The following IL1RAPL2 variants were observed in gnomAD, a reference collection of about 807,000 sequenced individuals.
IL1RAPL2 encodes X-linked interleukin-1 receptor accessory protein-like 2.
IL1RAPL2 carries 3 observed loss-of-function variants against 44.1 expected under a neutral mutation model. The observed-to-expected ratio is 0.07, with a 90% CI of 0.03 to 0.18. IL1RAPL2 has a LOEUF of 0.18. Ranked by LOEUF, IL1RAPL2 falls within the 10% of genes least tolerant of loss-of-function variation. IL1RAPL2 has a pLI of 1.00. For missense variants in IL1RAPL2, 391 were observed against 496.4 expected, an observed-to-expected ratio of 0.79 and a Z score of 2.02; for synonymous variants, 181 against 178.8, an observed-to-expected ratio of 1.01 and a Z score of -0.10.
chrX:105,242,081 A>G, intron 4 of IL1RAPL2, among the ~76,000 whole-genome samples: 1 of 111,595 alleles, frequency 9.0e-6, no homozygotes, highest in Non-Finnish European at 1.9e-5. Context: ...GTAAAGTCCA[A>G]CTCTTTCCAT....
At chrX:105,662,863 C>A (rs1031324042) in intron 6 of IL1RAPL2, among the ~76,000 whole-genome samples, 1 of 112,075 alleles carries the variant, frequency 8.9e-6, no homozygotes, top group Non-Finnish European at 1.9e-5. Flanking sequence ...AGATACTGAA[C>A]AGAACCAGCT....
intron 2 of IL1RAPL2, among the ~76,000 whole-genome samples, chrX:105,051,530 G>A (rs2031925452): frequency 8.9e-6 from 1 of 112,590 alleles, no homozygotes; most frequent in South Asian, 3.7e-4. Flanking sequence ...AGGGAGGGTC[G>A]GATCCACTAC....
chrX:105,507,624 T>C (rs2147784680), intron 6 of IL1RAPL2, among the ~76,000 whole-genome samples: 1 of 111,614 alleles, frequency 9.0e-6, no homozygotes, highest in Non-Finnish European at 1.9e-5. Flanking sequence ...AGACTCTAGA[T>C]CCACCTTACA....
intron 1 of IL1RAPL2, among the ~76,000 whole-genome samples, chrX:104,617,511 T>C (rs1468691672): frequency 8.9e-6 from 1 of 112,233 alleles, no homozygotes; most frequent in African/African-American, 3.2e-5. Context: ...AATTTGTAAG[T>C]TACATCACTT....
chrX:104,996,689 A>G (rs1667912671), intron 2 of IL1RAPL2, among the ~76,000 whole-genome samples: 1 of 112,110 alleles, frequency 8.9e-6, no homozygotes, highest in African/African-American at 3.2e-5. Context: ...TATGTGCCAG[A>G]CACTGTGGTA....
chrX:105,480,697 T>G (rs754345383), intron 5 of IL1RAPL2, among the ~76,000 whole-genome samples: 2 of 112,104 alleles, frequency 1.8e-5, no homozygotes, highest in East Asian at 5.6e-4. Context: ...AGTTCTTTCT[T>G]TCCTTTCACA....
At chrX:104,819,893 A>G (rs772612771) in intron 2 of IL1RAPL2, among the ~76,000 whole-genome samples, 23 of 111,467 alleles carry the variant, frequency 2.1e-4, no homozygotes, top group African/African-American at 7.2e-4. Context: ...TGTCCATATT[A>G]TCTTGAAATG....
At chrX:104,884,230 G>A (rs1319362938) in intron 2 of IL1RAPL2, among the ~76,000 whole-genome samples, 3 of 111,562 alleles carry the variant, frequency 2.7e-5, no homozygotes, top group Admixed American at 1.9e-4. Context: ...ATCAGTAAGG[G>A]CCACTAAATC....
intron 6 of IL1RAPL2, among the ~76,000 whole-genome samples, chrX:105,631,414 C>G (rs1458714162): frequency 2.7e-5 from 3 of 112,077 alleles, no homozygotes; most frequent in African/African-American, 3.2e-5. Context: ...CATCCATCAT[C>G]CCATCTGGTC....
At chrX:105,193,087 C>T (rs2033645848) in intron 2 of IL1RAPL2, among the ~76,000 whole-genome samples, 1 of 111,948 alleles carries the variant, frequency 8.9e-6, no homozygotes, top group Non-Finnish European at 1.9e-5. Context: ...CTTACCATGT[C>T]CCATCACAAA....
chrX:105,432,758 C>G (rs763111995), intron 5 of IL1RAPL2, among the ~76,000 whole-genome samples: 1 of 111,043 alleles, frequency 9.0e-6, no homozygotes, highest in African/African-American at 3.3e-5. Context: ...GATACAGATA[C>G]CAATTTCAGA....
In IL1RAPL2 at chrX:105,385,462, T is replaced by A. The variant is rs760755899; in HGVS notation, c.698-98851T>A. On this transcript the variant is annotated intron_variant, in intron 5 of 10. Coordinates refer to ENST00000372582, the MANE Select transcript of IL1RAPL2 (RefSeq NM_017416.2). The stretch of plus-strand genomic sequence containing the variant: ...GGCAGACAGTATCCAGAGTTTGTTG[T>A]CATAATCACCAGGACAGTACTTACA... 2.7e-5 allele frequency among the ~76,000 whole-genome samples: 3 copies of A among 111,148 alleles called. No homozygotes were observed. The South Asian group carries it at 1.1e-3, about 42-fold the overall frequency.
rs771501413 is a variant in IL1RAPL2 at position 105,299,684 on chromosome X, A to G, written c.697+32143A>G. The stretch of plus-strand genomic sequence containing the variant: ...TCAATTTTTAATTTCCTATGACCCT[A>G]ATGCCAGAAATCCTACCTATAGGAA... On this transcript the variant is annotated intron_variant, in intron 5 of 10. Transcript: ENST00000372582. Among the ~76,000 whole-genome samples the G allele has an allele frequency of 7.5e-4, 84 of 112,083 alleles. 1 individual carries two copies. The highest frequency in any genetic ancestry group is 1.3e-3 in the Non-Finnish European group (67 of 53,197).
intron 6 of IL1RAPL2, among the ~76,000 whole-genome samples, chrX:105,503,028 CTG>C (rs750291296): frequency 2.5e-4 from 28 of 110,635 alleles, no homozygotes; most frequent in African/African-American, 8.9e-4. Flanking sequence ...TAAGTGCTCT[CTG>C]TGGTTAAGAA....
At chrX:104,947,308 G>A in intron 2 of IL1RAPL2, among the ~76,000 whole-genome samples, 1 of 101,351 alleles carries the variant, frequency 9.9e-6, no homozygotes, top group East Asian at 3.2e-4. Context: ...TGTAGATTCT[G>A]GATATTAGCC....
chrX:105,641,287 T>C (rs968229256), intron 6 of IL1RAPL2, among the ~76,000 whole-genome samples: 1 of 111,544 alleles, frequency 9.0e-6, no homozygotes, highest in Non-Finnish European at 1.9e-5. Context: ...GTTTATTTGT[T>C]CATTCATTTA....
intron 2 of IL1RAPL2, among the ~76,000 whole-genome samples, chrX:104,911,799 A>G (rs1266430657): frequency 8.9e-6 from 1 of 112,105 alleles, no homozygotes; most frequent in Non-Finnish European, 1.9e-5. Context: ...CACTGTAGAC[A>G]TACTGATCTT....
chrX:105,405,364 TA>T (rs1260424728), intron 5 of IL1RAPL2, among the ~76,000 whole-genome samples: 46 of 112,131 alleles, frequency 4.1e-4, no homozygotes, highest in Non-Finnish European at 1.7e-4. Context: ...TTGAGACCAC[TA>T]AAATTAAAAA....
chrX:104,648,897 A>G (rs771237363), intron 1 of IL1RAPL2, among the ~76,000 whole-genome samples: 22 of 111,324 alleles, frequency 2.0e-4, no homozygotes, highest in Admixed American at 1.7e-3. Context: ...AAGAAACCCT[A>G]TAGTTACTTA....
Sources: allele counts gnomAD v4.1 joint callset (sites outside exome capture counted in the v4.1 genomes callset), GRCh38; gene constraint gnomAD v4.1.1; transcripts MANE v1.5; gene names NCBI Gene and HGNC (gene_info 2026-07-23, HGNC 2026-07-21).